Variants in PCBP3 observed in about 807,000 individuals in gnomAD.
PCBP3 encodes poly(rC) binding protein 3.
Under a neutral mutation model 52.7 loss-of-function variants are expected in PCBP3, and 25 were observed. That is an observed-to-expected ratio of 0.47 (90% CI 0.35 to 0.66). The LOEUF (loss-of-function observed/expected upper bound fraction) is 0.66. Among genes scored for constraint, PCBP3 ranks in the 30% least tolerant of loss-of-function variants. The probability of loss-of-function intolerance (pLI) is 0.01; values close to 1 mark genes in which losing one functional copy is unlikely to be tolerated. For synonymous variants in PCBP3, 162 were observed against 183.0 expected (o/e 0.89, Z 0.93); for missense variants, 391 against 490.3 (o/e 0.80, Z 1.91).
chr21:45,877,424 A>AT (rs1326694871), intron 5 of PCBP3, among the ~76,000 whole-genome samples: 1 of 152,192 alleles, frequency 6.6e-6, no homozygotes, highest in Non-Finnish European at 1.5e-5. Context: ...TGATTTGAAT[A>AT]TTTTTTTAAA....
chr21:45,697,269 A>G (rs1328020492), intron 2 of PCBP3, among the ~76,000 whole-genome samples: 1 of 152,222 alleles, frequency 6.6e-6, no homozygotes, highest in African/African-American at 2.4e-5. Context: ...TGTTTTAGTT[A>G]AACAAACAAG....
rs545434400 is a variant in PCBP3 at position 45,903,434 on chromosome 21, A to G, written c.339+2321A>G. ...GTCAGTTGTCCACGTAGATGCAAGC[A>G]GAAAGACCATCAGCTGTCATTCCCC... is the stretch of plus-strand genomic sequence containing the variant. On this transcript the variant is annotated intron_variant, in intron 9 of 17. Transcript: ENST00000681687. Among the ~76,000 whole-genome samples the G allele has an allele frequency of 2.3e-4, 35 of 152,248 alleles. 1 individual carries two copies. The South Asian group carries it at 7.0e-3, about 31-fold the overall frequency.
At chr21:45,709,190 T>C (rs1029975630) in intron 2 of PCBP3, among the ~76,000 whole-genome samples, 1 of 152,314 alleles carries the variant, frequency 6.6e-6, no homozygotes, top group East Asian at 1.9e-4. Flanking sequence ...TATGGCAGGG[T>C]CCAAAATTGC....
chr21:45,731,838 C>T (rs1391326407), intron 2 of PCBP3, among the ~76,000 whole-genome samples: 1 of 151,668 alleles, frequency 6.6e-6, no homozygotes, highest in African/African-American at 2.4e-5. Flanking sequence ...CTCCTCACTT[C>T]GATATTGTCA....
At chr21:45,823,977 C>T (rs1020190504) in intron 4 of PCBP3, among the ~76,000 whole-genome samples, 3 of 152,042 alleles carry the variant, frequency 2.0e-5, no homozygotes, top group African/African-American at 7.2e-5. Context: ...CCTGACCTCA[C>T]GTAATTCACC....
chr21:45,919,095 G>C (rs1235575868), intron 13 of PCBP3: 2 of 151,390 alleles, frequency 1.3e-5, no homozygotes, highest in East Asian at 1.9e-4. Context: ...GCACTGGCAG[G>C]CACTGGGGAG....
At chr21:45,738,092 A>G (rs940494195) in intron 3 of PCBP3, among the ~76,000 whole-genome samples, 2 of 152,192 alleles carry the variant, frequency 1.3e-5, no homozygotes, top group East Asian at 1.9e-4. Context: ...CATCTCCCAT[A>G]GCTGGTTAGT....
chr21:45,745,470 G>C (rs111471994), intron 3 of PCBP3, among the ~76,000 whole-genome samples: 4 of 152,202 alleles, frequency 2.6e-5, no homozygotes, highest in Middle Eastern at 3.2e-3. Context: ...TGTGGTTTCT[G>C]TCTCTTGCTA....
At chr21:45,922,317 GC>G (rs2074556478) in intron 13 of PCBP3, among the ~76,000 whole-genome samples, 1 of 152,200 alleles carries the variant, frequency 6.6e-6, no homozygotes, top group African/African-American at 2.4e-5. Context: ...ACTTTGAGAG[GC>G]CAAGATGGGA....
intron 1 of PCBP3, among the ~76,000 whole-genome samples, chr21:45,648,630 G>A (rs2079482328): frequency 6.6e-6 from 1 of 152,226 alleles, no homozygotes. Flanking sequence ...TTACTTTCCA[G>A]AGGTTTGTTT....
At chr21:45,806,221 TC>T (rs34214894) in intron 4 of PCBP3, among the ~76,000 whole-genome samples, 1 of 152,154 alleles carries the variant, frequency 6.6e-6, no homozygotes, top group Non-Finnish European at 1.5e-5. Flanking sequence ...GTGGCTGTAC[TC>T]CCGTGCTGGA....
intron 2 of PCBP3, among the ~76,000 whole-genome samples, chr21:45,719,415 T>C (rs1569149023): frequency 6.6e-6 from 1 of 152,172 alleles, no homozygotes; most frequent in Non-Finnish European, 1.5e-5. Flanking sequence ...GGGTTTTTAG[T>C]GTGTCTTCTC....
chr21:45,670,782 C>A (rs2147274741), intron 2 of PCBP3, among the ~76,000 whole-genome samples: 1 of 152,304 alleles, frequency 6.6e-6, no homozygotes, highest in African/African-American at 2.4e-5. Context: ...TTCAATCCCA[C>A]AAATTTCAGG....
At chr21:45,892,507 AGGGCGCAGTCCCGTCTCTCG>A (rs2095702006) in intron 5 of PCBP3, among the ~76,000 whole-genome samples, 22 of 135,520 alleles carry the variant, frequency 1.6e-4, no homozygotes, top group African/African-American at 2.0e-4. Context: ...CGGGGCGTGG[AGGGCGCAGTCCCGTCTCTCG>A]CGGGGCTTCA....
At chr21:45,896,785 T>C (rs13049583) in intron 6 of PCBP3, among the ~76,000 whole-genome samples, 788 of 83,628 alleles carry the variant, frequency 9.4e-3, no homozygotes, top group African/African-American at 0.028. Flanking sequence ...ACGCACTGCC[T>C]GGGCCATTGT....
intron 5 of PCBP3, among the ~76,000 whole-genome samples, chr21:45,864,679 A>G (rs901322648): frequency 7.9e-5 from 12 of 152,112 alleles, no homozygotes; most frequent in Non-Finnish European, 1.5e-4. Flanking sequence ...GCTGGGAAAA[A>G]TGTTCCCAGA....
At chr21:45,709,184 G>T (rs1293155617) in intron 2 of PCBP3, among the ~76,000 whole-genome samples, 1 of 152,206 alleles carries the variant, frequency 6.6e-6, no homozygotes, top group Non-Finnish European at 1.5e-5. Flanking sequence ...TGCTGTTATG[G>T]CAGGGTCCAA....
intron 4 of PCBP3, among the ~76,000 whole-genome samples, chr21:45,810,783 G>A (rs2092665520): frequency 6.6e-6 from 1 of 152,072 alleles, no homozygotes; most frequent in Non-Finnish European, 1.5e-5. Context: ...AGAATTTGCC[G>A]GTGCCTTGAG....
rs80245151 is a variant in PCBP3, at chr21:45,891,576, C to T, written c.11-4632C>T. ...GTGGGCACCTGTCGGCGGGCAGTGG[C>T]GGGTGGAGTGGGAGCACGGACCACA... is the stretch of plus-strand genomic sequence containing the variant. On this transcript the variant is annotated intron_variant, in intron 5 of 17. Coordinates refer to ENST00000681687, the MANE Select transcript of PCBP3 (RefSeq NM_001384156.1). Among the ~76,000 whole-genome samples the T allele has an allele frequency of 5.7e-4, 87 of 152,242 alleles. 1 individual carries two copies. Among genetic ancestry groups the T allele is most frequent in the African/African-American group, 1.3e-3 (53 of 41,552 alleles).
Sources: allele counts gnomAD v4.1 joint callset (sites outside exome capture counted in the v4.1 genomes callset), GRCh38; gene constraint gnomAD v4.1.1; transcripts MANE v1.5; gene names NCBI Gene and HGNC (gene_info 2026-07-23, HGNC 2026-07-21).